Variants in CHL1 observed in about 807,000 individuals in gnomAD.
The protein encoded by CHL1 is cell adhesion molecule L1 like.
Under a neutral mutation model 141.9 loss-of-function variants are expected in CHL1, and 96 were observed. The observed-to-expected ratio is 0.68, with a 90% confidence interval of 0.57 to 0.80. CHL1 has a LOEUF of 0.80. CHL1 is among the 30% of genes least tolerant of loss of function. CHL1 has a pLI of 0.00. For missense variants in CHL1, 1,820 were observed against 1,457.2 expected, an observed-to-expected ratio of 1.25 and a Z score of -4.05; for synonymous variants, 613 against 502.2, an observed-to-expected ratio of 1.22 and a Z score of -2.95.
At chr3:255,208 A>G (rs1416888719) in intron 2 of CHL1, among the ~76,000 whole-genome samples, 2 of 152,158 alleles carry the variant, frequency 1.3e-5, no homozygotes, top group Non-Finnish European at 2.9e-5. Flanking sequence ...TGGCAAAACG[A>G]TGTTTTGAGT....
At chr3:275,205 G>GGTCA (rs1695981168) in intron 2 of CHL1, among the ~76,000 whole-genome samples, 1 of 152,150 alleles carries the variant, frequency 6.6e-6, no homozygotes, top group Non-Finnish European at 1.5e-5. Flanking sequence ...AAGTGGTAGG[G>GGTCA]GTCAGGCTCT....
chr3:311,886 A>G (rs990942414), intron 2 of CHL1, among the ~76,000 whole-genome samples: 1 of 152,182 alleles, frequency 6.6e-6, no homozygotes. Context: ...CTCAGAAAAT[A>G]ACTTAATGTT....
chr3:238,405 C>T (rs531280936), intron 1 of CHL1, among the ~76,000 whole-genome samples: 20 of 137,820 alleles, frequency 1.5e-4, no homozygotes, highest in Admixed American at 1.4e-3. Flanking sequence ...AGATCAGATA[C>T]ATTTTTTAAA....
intron 3 of CHL1, among the ~76,000 whole-genome samples, chr3:325,089 A>T (rs1018002920): frequency 6.6e-6 from 1 of 151,934 alleles, no homozygotes; most frequent in Non-Finnish European, 1.5e-5. Flanking sequence ...GATAAGTGAG[A>T]AAAGGTTATA....
chr3:309,216 G>C (rs931364302), intron 2 of CHL1: 3 of 152,752 alleles, frequency 2.0e-5, no homozygotes, highest in Non-Finnish European at 4.4e-5. Context: ...GCCCGCCTTA[G>C]TCCTGGCAGT....
At chr3:211,492 A>G (rs140955285) in intron 1 of CHL1, among the ~76,000 whole-genome samples, 3 of 152,220 alleles carry the variant, frequency 2.0e-5, no homozygotes, top group African/African-American at 4.8e-5. Flanking sequence ...TGTGGGTTCA[A>G]TTTGTGCTCT....
chr3:360,516 A>G, intron 12 of CHL1, 92 bp downstream of exon 12: 1 of 1,255,894 alleles, frequency 8.0e-7, no homozygotes, highest in Non-Finnish European at 1.1e-6. Flanking sequence ...TTGACACATA[A>G]TATATGGAGG....
chr3:343,131 A>T, intron 8 of CHL1, 100 bp downstream of exon 8: 2 of 875,256 alleles, frequency 2.3e-6, no homozygotes, highest in Admixed American at 5.6e-5. Flanking sequence ...TTATTACAAT[A>T]CTGTTATTAT....
At chr3:243,592 T>C (rs1692876302) in intron 1 of CHL1, among the ~76,000 whole-genome samples, 1 of 152,178 alleles carries the variant, frequency 6.6e-6, no homozygotes, top group African/African-American at 2.4e-5. Context: ...CTTCTCAGTG[T>C]ATTGGTGTGA....
chr3:199,808 T>A (rs1341238730), intron 1 of CHL1, among the ~76,000 whole-genome samples: 1 of 152,202 alleles, frequency 6.6e-6, no homozygotes, highest in African/African-American at 2.4e-5. Context: ...AAAATTGCTT[T>A]GTTGAAATAA....
intron 5 of CHL1, among the ~76,000 whole-genome samples, chr3:333,122 C>CTCTTTTTTTTTTTTTTTT (rs1383301108): frequency 2.1e-4 from 3 of 14,306 alleles, no homozygotes; most frequent in Non-Finnish European, 5.0e-4. Context: ...GATAATTGCT[C>CTCTTTTTTTTTTTTTTTT]TATTTTTTTT....
chr3:279,914 C>T (rs1696483001), intron 2 of CHL1, among the ~76,000 whole-genome samples: 1 of 152,052 alleles, frequency 6.6e-6, no homozygotes, highest in Non-Finnish European at 1.5e-5. Context: ...TGTGTTAATG[C>T]CTTTACTTGA....
intron 1 of CHL1, among the ~76,000 whole-genome samples, chr3:242,371 C>T (rs1396681836): frequency 6.0e-4 from 87 of 144,168 alleles, no homozygotes; most frequent in Middle Eastern, 7.2e-3. Flanking sequence ...CTGAGGGGGG[C>T]AGATCACGAG....
intron 2 of CHL1, among the ~76,000 whole-genome samples, chr3:315,076 C>G (rs1272749997): frequency 6.6e-6 from 1 of 152,118 alleles, no homozygotes; most frequent in Non-Finnish European, 1.5e-5. Context: ...AACCATGCTC[C>G]TTGGATCAGA....
chr3:249,591 G>A (rs562590475), intron 2 of CHL1, among the ~76,000 whole-genome samples: 21 of 152,240 alleles, frequency 1.4e-4, no homozygotes, highest in African/African-American at 4.8e-4. Context: ...TTTGCAAACA[G>A]GCATTATTAG....
At chr3:250,540 G>T (rs1366853623) in intron 2 of CHL1, among the ~76,000 whole-genome samples, 1 of 152,048 alleles carries the variant, frequency 6.6e-6, no homozygotes, top group Admixed American at 6.6e-5. Context: ...GATAGTGGTT[G>T]TCCTCCTGGT....
At chr3:301,563 G>C (rs887021382) in intron 2 of CHL1, among the ~76,000 whole-genome samples, 1 of 152,144 alleles carries the variant, frequency 6.6e-6, no homozygotes, top group African/African-American at 2.4e-5. Context: ...GTATTCTTTT[G>C]CAATTGTGTA....
At chr3:290,068 T>C (rs976678346) in intron 2 of CHL1, among the ~76,000 whole-genome samples, 1 of 151,844 alleles carries the variant, frequency 6.6e-6, no homozygotes, top group East Asian at 1.9e-4. Flanking sequence ...AGTTTTTTTC[T>C]CTGTAAGGCA....
At position 401,696 on chromosome 3, in the gene CHL1, C is replaced by T; in HGVS notation, c.3456C>T (p.Tyr1152=). The change falls in exon 27 of 28, where the codon TAC becomes TAT. Residue 1152 remains tyrosine (Y), a splice_region_variant and synonymous_variant. Coordinates refer to ENST00000256509, the MANE Select transcript of CHL1 (RefSeq NM_006614.4). The part of the protein sequence containing the change: ...QSVKDETFGE[Y]SDSDEKPLKG... ...TAAAAGATGAAACCTTTGGTGAATA[C>T]AGGTAAACATAAGGTTCTGTTGTAA... 1.3e-6 allele frequency: 2 copies of T among 1,548,570 alleles called. No individual in the cohort carries two copies. The highest frequency in any genetic ancestry group is 2.8e-5 in the African/African-American group (2 of 72,534).
Sources: gnomAD v4.1 joint callset for allele counts (sites outside exome capture counted in the v4.1 genomes callset) on GRCh38, gnomAD v4.1.1 for gene constraint, MANE v1.5 for transcripts, NCBI Gene and HGNC (gene_info 2026-07-23, HGNC 2026-07-21) for gene names.